The following KLKB1 variants were observed in gnomAD, a reference collection of about 807,000 sequenced individuals.
KLKB1 encodes kallikrein B1, also known as plasma kallikrein.
In KLKB1, 58 loss-of-function variants were observed where a neutral mutation model predicts 73.6. The observed-to-expected ratio is 0.79, with a 90% CI of 0.64 to 0.98. The LOEUF is 0.98. Ranked by LOEUF, KLKB1 falls within the 50% of genes least tolerant of loss-of-function variation. The pLI is 0.00. For synonymous variants in KLKB1, 280 were observed against 258.1 expected (o/e 1.08, Z -0.81); for missense variants, 737 against 763.8 (o/e 0.96, Z 0.41).
chr4:186,234,778 C>T (rs1215525858), intron 4 of KLKB1, among the ~76,000 whole-genome samples: 1 of 152,174 alleles, frequency 6.6e-6, no homozygotes, highest in Non-Finnish European at 1.5e-5. Flanking sequence ...GAAACAGTTT[C>T]CAATGCTATC....
intron 2 of KLKB1, chr4:186,211,659 A>T (rs1303796234): frequency 1.2e-5 from 1 of 80,034 alleles, no homozygotes; most frequent in Non-Finnish European, 2.5e-5. Flanking sequence ...TCAGGAATAC[A>T]CACATACACA....
At chr4:186,230,157 G>T (rs1164898488) in intron 2 of KLKB1, among the ~76,000 whole-genome samples, 1 of 152,076 alleles carries the variant, frequency 6.6e-6, no homozygotes, top group East Asian at 1.9e-4. Context: ...TGAACCAATA[G>T]ATTTCATTTG....
At chr4:186,236,348 A>G (rs1443748930) in intron 4 of KLKB1, among the ~76,000 whole-genome samples, 1 of 152,240 alleles carries the variant, frequency 6.6e-6, no homozygotes, top group Non-Finnish European at 1.5e-5. Flanking sequence ...GAAAGCAAAG[A>G]AATAACACTG....
At chr4:186,231,299 A>G (rs1347583351) in intron 2 of KLKB1, among the ~76,000 whole-genome samples, 1 of 152,262 alleles carries the variant, frequency 6.6e-6, no homozygotes, top group African/African-American at 2.4e-5. Context: ...AGGAAAGCTT[A>G]TTAACCAGAT....
intron 2 of KLKB1, among the ~76,000 whole-genome samples, chr4:186,230,469 G>A (rs1168875384): frequency 6.6e-6 from 1 of 152,136 alleles, no homozygotes; most frequent in African/African-American, 2.4e-5. Context: ...CCATGGACAT[G>A]GGGGCCCATG....
chr4:186,254,480 T>C, intron 11 of KLKB1, 108 bp from the exon 12 acceptor site: 1 of 929,140 alleles, frequency 1.1e-6, no homozygotes, highest in Non-Finnish European at 1.8e-6. Flanking sequence ...AGAAAATGTG[T>C]CCTATGTATT....
chr4:186,232,448 A>T (rs1417611429), intron 3 of KLKB1, among the ~76,000 whole-genome samples, 159 bp downstream of exon 3: 1 of 152,240 alleles, frequency 6.6e-6, no homozygotes, highest in Non-Finnish European at 1.5e-5. Flanking sequence ...GCAGATTCCT[A>T]GGCCACAACC....
chr4:186,241,883 TTAGA>T (rs1738069703), intron 6 of KLKB1, among the ~76,000 whole-genome samples: 1 of 152,062 alleles, frequency 6.6e-6, no homozygotes, highest in South Asian at 2.1e-4. Flanking sequence ...GCCCAACATA[TTAGA>T]TAGGAAAAGC....
At chr4:186,227,809 A>G (rs1469016754) in intron 1 of KLKB1, among the ~76,000 whole-genome samples, 1 of 152,330 alleles carries the variant, frequency 6.6e-6, no homozygotes, top group East Asian at 1.9e-4. Flanking sequence ...TAATATTTTC[A>G]GAGGTTTTCT....
Position 186,252,032 on chromosome 4 carries a change from C to A in KLKB1, c.1160C>A (p.Thr387Lys). ...TGDNSVCTTK[T>K]STRIVGGTNS... ...CTCTTTTCAGTCTGCACAACAAAAA[C>A]AAGCACACGCATTGTTGGAGGAACA... is the stretch of plus-strand genomic sequence containing the variant. The change falls in exon 11 of 15, where the codon ACA becomes AAA. Residue 387 changes from threonine to lysine, a missense_variant. Coordinates refer to ENST00000264690, the MANE Select transcript of KLKB1 (RefSeq NM_000892.5). 1 of 1,614,200 alleles carries A rather than the reference C, an allele frequency of 6.2e-7. No homozygotes were observed. Among genetic ancestry groups the A allele is most frequent in the Non-Finnish European group, 8.5e-7 (1 of 1,180,042 alleles).
At position 186,243,156 on chromosome 4, in the gene KLKB1, G is replaced by A. The variant is rs543475849; in HGVS notation, c.598+4791G>A. On this transcript the variant is annotated intron_variant, in intron 6 of 14. Coordinates refer to ENST00000264690, the MANE Select transcript of KLKB1 (RefSeq NM_000892.5). ...CAAATCCCCGAGCTTGATGTGTAGG[G>A]AAGGGAGGGGGCCTGAGCAATCCCT... Among the ~76,000 whole-genome samples the A allele has an allele frequency of 2.0e-5, 3 of 152,092 alleles. No individual in the cohort carries two copies. In the East Asian group the frequency reaches 5.8e-4, roughly 29 times the overall value.
chr4:186,237,505 T>G (rs10213613), intron 5 of KLKB1, among the ~76,000 whole-genome samples: 1,694 of 152,282 alleles, frequency 0.011, 29 homozygotes, highest in African/African-American at 0.038. Flanking sequence ...CTTCCCCTAC[T>G]TCTCCAAAGC....
At chr4:186,256,203 C>G (rs906723541) in intron 13 of KLKB1, 116 bp downstream of exon 13, 1 of 727,930 alleles carries the variant, frequency 1.4e-6, no homozygotes, top group East Asian at 2.7e-5. Flanking sequence ...TTTATCTTTC[C>G]TATCTATTTA....
chr4:186,224,034 G>A (rs1002165738), upstream of KLKB1, among the ~76,000 whole-genome samples: 4 of 152,264 alleles, frequency 2.6e-5, no homozygotes, highest in Non-Finnish European at 4.4e-5. Context: ...CCATAGCTCA[G>A]GCTGTCGCTT....
chr4:186,236,602 T>G (rs1481556664), intron 4 of KLKB1, among the ~76,000 whole-genome samples, 179 bp from the exon 5 acceptor site: 1 of 152,194 alleles, frequency 6.6e-6, no homozygotes, highest in Non-Finnish European at 1.5e-5. Context: ...TGTATTTACT[T>G]CAAGCAGAGT....
intron 12 of KLKB1, among the ~76,000 whole-genome samples, chr4:186,255,472 C>T (rs4253320): frequency 0.34 from 51,919 of 152,044 alleles, 9,287 homozygotes; most frequent in Non-Finnish European, 0.39. Context: ...GAGGCTGAGA[C>T]AAGAGGATCT....
At chr4:186,253,521 G>A (rs1389389120) in intron 11 of KLKB1, among the ~76,000 whole-genome samples, 1 of 152,104 alleles carries the variant, frequency 6.6e-6, no homozygotes, top group East Asian at 1.9e-4. Flanking sequence ...ACTCCAATTT[G>A]GGACCAAAAA....
chr4:186,255,934 T>A (rs1738970087), intron 12 of KLKB1, 58 bp from the exon 13 acceptor site: 1 of 1,043,952 alleles, frequency 9.6e-7, no homozygotes. Flanking sequence ...GATGTATTTT[T>A]AAAGTCTATA....
chr4:186,245,802 G>GCTTTTT (rs1738298819), intron 6 of KLKB1, among the ~76,000 whole-genome samples: 1 of 54,884 alleles, frequency 1.8e-5, no homozygotes. Flanking sequence ...AATTTTTGGA[G>GCTTTTT]TTTTTTTTTG....
Sources: allele counts gnomAD v4.1 joint callset (sites outside exome capture counted in the v4.1 genomes callset), GRCh38; gene constraint gnomAD v4.1.1; transcripts MANE v1.5; gene names NCBI Gene and HGNC (gene_info 2026-07-23, HGNC 2026-07-21).